Variants in MAD1L1 observed in about 807,000 individuals in gnomAD.
The protein encoded by MAD1L1 is mitotic spindle assembly checkpoint protein MAD1.
A neutral mutation model predicts 96.9 loss-of-function variants in MAD1L1; 95 were observed. That is an observed-to-expected ratio of 0.98 (90% CI 0.83 to 1.16). The LOEUF (loss-of-function observed/expected upper bound fraction) is 1.16. MAD1L1 is among the 50% of genes most tolerant of loss of function. The probability of loss-of-function intolerance (pLI) is 0.00; values close to 1 mark genes in which losing one functional copy is unlikely to be tolerated. For synonymous variants in MAD1L1, 473 were observed against 396.6 expected (o/e 1.19, Z -2.29); for missense variants, 1,007 against 954.4 (o/e 1.06, Z -0.73).
At chr7:2,001,183 C>T (rs950411412) in intron 14 of MAD1L1, among the ~76,000 whole-genome samples, 1 of 152,254 alleles carries the variant, frequency 6.6e-6, no homozygotes, top group Non-Finnish European at 1.5e-5. Context: ...ACGGGAGCCT[C>T]GACCTGGGCT....
intron 14 of MAD1L1, among the ~76,000 whole-genome samples, chr7:1,982,473 T>C (rs1403304757): frequency 6.6e-6 from 1 of 152,252 alleles, no homozygotes; most frequent in African/African-American, 2.4e-5. Context: ...CCTCCCAGAG[T>C]GCTGGGATTA....
chr7:2,164,633 T>A (rs9690023), intron 10 of MAD1L1, among the ~76,000 whole-genome samples: 1 of 144,110 alleles, frequency 6.9e-6, no homozygotes, highest in Non-Finnish European at 1.5e-5. Flanking sequence ...GAAAAATAAA[T>A]TTTTTGACAG....
Position 2,219,329 on chromosome 7 carries a change from C to A in MAD1L1, c.596+3G>T. 1 of 1,566,352 alleles carries A rather than the reference C, an allele frequency of 6.4e-7. No homozygotes were observed. Among genetic ancestry groups the A allele is most frequent in the East Asian group, 2.3e-5 (1 of 42,612 alleles). ...CCCGACCCCACACCCTGGCCCCGCC[C>A]ACTTGTGTTGCAGGTCCAGCTGCTC... On this transcript the variant is annotated splice_donor_region_variant and intron_variant, in intron 6 of 18. Coordinates refer to ENST00000265854, the MANE Select transcript of MAD1L1 (RefSeq NM_001013836.2).
chr7:1,903,102 CG>C (rs1465680853), intron 17 of MAD1L1, among the ~76,000 whole-genome samples: 2 of 151,204 alleles, frequency 1.3e-5, no homozygotes, highest in African/African-American at 4.9e-5. Flanking sequence ...TTCCAGGCAG[CG>C]AGGACGCAGT....
intron 11 of MAD1L1, among the ~76,000 whole-genome samples, chr7:2,123,802 C>T (rs1205351937): frequency 6.6e-6 from 1 of 152,238 alleles, no homozygotes; most frequent in East Asian, 1.9e-4. Context: ...TCTGTTCCTG[C>T]TGTGCAAAGA....
intron 11 of MAD1L1, among the ~76,000 whole-genome samples, chr7:2,085,340 G>C (rs987631177): frequency 6.6e-6 from 1 of 152,174 alleles, no homozygotes; most frequent in Non-Finnish European, 1.5e-5. Flanking sequence ...CCACCTCACC[G>C]TGTGGTCTGT....
intron 11 of MAD1L1, among the ~76,000 whole-genome samples, chr7:2,122,451 C>T (rs1480072390): frequency 6.6e-6 from 1 of 152,138 alleles, no homozygotes; most frequent in Non-Finnish European, 1.5e-5. Context: ...CGGACAAACC[C>T]CGTTACTACT....
Position 1,862,990 on chromosome 7 carries a change from G to A in MAD1L1, c.1998+35210C>T, listed in dbSNP as rs150101810. 2.6e-3 allele frequency among the ~76,000 whole-genome samples: 394 copies of A among 152,348 alleles called. 2 individuals carry two copies. The highest frequency in any genetic ancestry group is 4.4e-3 in the Non-Finnish European group (301 of 68,032). ...GATCAGACAAGTCCCACATGTGTTG[G>A]GGAGACCCAGAGCCTCCTCCTCACT... On this transcript the variant is annotated intron_variant, in intron 18 of 18. Transcript: ENST00000265854.
intron 18 of MAD1L1, among the ~76,000 whole-genome samples, chr7:1,869,746 G>A (rs1232249285): frequency 6.6e-6 from 1 of 152,202 alleles, no homozygotes; most frequent in Non-Finnish European, 1.5e-5. Flanking sequence ...ACAGCCTCAT[G>A]GAGATCACGT....
intron 11 of MAD1L1, among the ~76,000 whole-genome samples, chr7:2,104,990 C>T (rs919664493): frequency 1.3e-5 from 2 of 152,222 alleles, no homozygotes; most frequent in African/African-American, 2.4e-5. Context: ...ACGCACAGCC[C>T]GCCTGGAGAT....
intron 15 of MAD1L1, among the ~76,000 whole-genome samples, chr7:1,969,239 C>G (rs1250623101): frequency 2.0e-5 from 3 of 152,064 alleles, no homozygotes. Flanking sequence ...CAAAAATTAG[C>G]CAGGCATGGT....
intron 16 of MAD1L1, among the ~76,000 whole-genome samples, chr7:1,955,591 A>G (rs1562559572): frequency 6.6e-6 from 1 of 152,178 alleles, no homozygotes; most frequent in Non-Finnish European, 1.5e-5. Context: ...ATGCCCAGCC[A>G]AAAGAGAGAT....
At chr7:2,201,338 C>T (rs1792284737) in intron 10 of MAD1L1, among the ~76,000 whole-genome samples, 1 of 152,128 alleles carries the variant, frequency 6.6e-6, no homozygotes, top group South Asian at 2.1e-4. Flanking sequence ...CACAAAGCTG[C>T]CCAGACCCTT....
At chr7:1,900,442 C>T (rs1054872959) in intron 17 of MAD1L1, among the ~76,000 whole-genome samples, 4 of 152,308 alleles carry the variant, frequency 2.6e-5, no homozygotes, top group South Asian at 4.1e-4. Flanking sequence ...CTCCTCCCTC[C>T]GTTGCTGGCA....
chr7:2,206,852 C>G (rs557255781), intron 10 of MAD1L1, among the ~76,000 whole-genome samples: 3 of 151,898 alleles, frequency 2.0e-5, no homozygotes, highest in African/African-American at 7.2e-5. Context: ...GAGGCCAAGG[C>G]GGGTGGATCA....
chr7:1,823,929 G>A (rs1158246964), intron 18 of MAD1L1, among the ~76,000 whole-genome samples: 1 of 151,000 alleles, frequency 6.6e-6, no homozygotes, highest in East Asian at 1.9e-4. Flanking sequence ...TGCAAGCGCC[G>A]CTCCGGAGCA....
Position 2,129,585 on chromosome 7 carries a change from G to C in MAD1L1, c.1073+19567C>G, listed in dbSNP as rs190651138. The stretch of plus-strand genomic sequence containing the variant: ...CCCCAGGTGCCTCCCGTCATGAGGA[G>C]AGAGCACACACACGATCCCATCCCT... On this transcript the variant is annotated intron_variant, in intron 11 of 18. Transcript: ENST00000265854. Among the ~76,000 whole-genome samples, 3 of 152,330 alleles carry C rather than the reference G, an allele frequency of 2.0e-5. No individual in the cohort carries two copies. The East Asian group carries it at 5.8e-4, about 29-fold the overall frequency.
chr7:2,048,207 G>A (rs374068021), intron 12 of MAD1L1, among the ~76,000 whole-genome samples: 21 of 152,334 alleles, frequency 1.4e-4, no homozygotes, highest in African/African-American at 4.6e-4. Context: ...TGACGCACAC[G>A]CGTGCTCTCA....
At chr7:1,887,730 T>C (rs1477295973) in intron 18 of MAD1L1, among the ~76,000 whole-genome samples, 1 of 150,442 alleles carries the variant, frequency 6.6e-6, no homozygotes, top group Non-Finnish European at 1.5e-5. Context: ...TACATGCATG[T>C]ATGTGGCTTC....
Sources: allele counts gnomAD v4.1 joint callset (sites outside exome capture counted in the v4.1 genomes callset), GRCh38; gene constraint gnomAD v4.1.1; transcripts MANE v1.5; gene names NCBI Gene and HGNC (gene_info 2026-07-23, HGNC 2026-07-21).